Variants in EPX observed in about 807,000 individuals in gnomAD.
EPX encodes eosinophil peroxidase.
A neutral mutation model predicts 73.0 loss-of-function variants in EPX; 60 were observed. The ratio of observed to expected loss-of-function variants is 0.82; its 90% CI spans 0.67 to 1.02. EPX has a LOEUF of 1.02. EPX is among the 50% of genes least tolerant of loss of function. The pLI is 0.00. For missense variants in EPX, 950 were observed against 973.9 expected (o/e 0.98, Z 0.33); for synonymous variants, 347 against 389.2 (o/e 0.89, Z 1.28).
At chr17:58,203,854 C>G (rs563284767) in intron 11 of EPX, among the ~76,000 whole-genome samples, 2 of 135,798 alleles carry the variant, frequency 1.5e-5, no homozygotes, top group African/African-American at 5.6e-5. Flanking sequence ...ATGGCGTGAA[C>G]CCGGGAGGCG....
Position 58,195,149 on chromosome 17 carries a change from GCC to G in EPX, c.785_786del (p.Pro262LeufsTer10). On this transcript the variant is annotated frameshift_variant, in exon 6 of 13. Transcript: ENST00000225371. LOFTEE classifies it high-confidence loss of function. ...ACTGTGAGAGGACCTGCGCCCAGCT[GCC>G]CCCCTGCTTTCCCATCAAGGTACCT... ...VDCERTCAQL[P>X]PCFPIKIPPN... 6.2e-7 allele frequency: 1 copy of G among 1,613,806 alleles called. No homozygotes were observed. The highest frequency in any genetic ancestry group is 2.2e-5 in the East Asian group (1 of 44,880).
At chr17:58,193,224 G>T in intron 2 of EPX, 93 bp downstream of exon 2, 1 of 1,216,762 alleles carries the variant, frequency 8.2e-7, no homozygotes, top group South Asian at 1.2e-5. Context: ...GCCACCTCTG[G>T]ACCCCATGAA....
In EPX at chr17:58,203,243, T is replaced by G; in HGVS notation, c.1871T>G (p.Leu624Trp). 1 of 1,614,210 alleles carries G rather than the reference T, an allele frequency of 6.2e-7. No homozygotes were observed. The highest frequency in any genetic ancestry group is 8.5e-7 in the Non-Finnish European group (1 of 1,180,030). ...ATTGGGGCCATCGCTGAGCCTCTTT[T>G]GCCGGGGGCTCGAGTGGGGCCTCTT... ...IWIGAIAEPL[L>W]PGARVGPLLA... The change falls in exon 11 of 13, where the codon TTG becomes TGG. Residue 624 changes from leucine to tryptophan, a missense_variant. Physicochemically the swap from Leu to Trp is moderately conservative, Grantham distance 61 (BLOSUM62 -2). Coordinates refer to ENST00000225371, the MANE Select transcript of EPX (RefSeq NM_000502.6).
intron 4 of EPX, 21 bp from the exon 5 acceptor site, chr17:58,193,942 C>A: frequency 6.2e-7 from 1 of 1,612,802 alleles, no homozygotes; most frequent in South Asian, 1.1e-5. Flanking sequence ...CCCTGCTAAC[C>A]TATCCCACCC....
chr17:58,204,490 C>T lies in EPX; in HGVS notation c.*11+56C>T. On this transcript the variant is annotated intron_variant, in intron 12 of 12. Transcript: ENST00000225371. ...CTGGGTTAAGCCCTCACATCCTTCC[C>T]TGGATGGATGGCTGAGTCCTCTTAG... 8 of 1,051,856 alleles carry T rather than the reference C, an allele frequency of 7.6e-6. No individual in the cohort carries two copies. In the Admixed American group the frequency reaches 1.4e-4, roughly 19 times the overall value. 65.2% of individuals were successfully genotyped at this position (1,051,856 alleles called of 1,614,324 possible). A position where few individuals can be genotyped will look rare whatever the true frequency, so the allele number is the denominator to read the frequency against.
chr17:58,200,566 T>C (rs556257733), intron 10 of EPX, among the ~76,000 whole-genome samples, 171 bp downstream of exon 10: 1 of 152,350 alleles, frequency 6.6e-6, no homozygotes, highest in Admixed American at 6.5e-5. Context: ...GGAACACCGC[T>C]TGCTGTCCTG....
At position 58,193,836 on chromosome 17, in the gene EPX, GTGCGGGGCGGCAGGAGGGGC is replaced by G; in HGVS notation, c.464+9_464+28del. On this transcript the variant is annotated splice_donor_region_variant and intron_variant, in intron 4 of 12. Transcript: ENST00000225371. ...CACTGGACGGTGCAACAACAAGTGC[GTGCGGGGCGGCAGGAGGGGC>G]TGCCCCTGCCTGGGGGACCTCTCCC... 6.2e-7 allele frequency: 1 copy of G among 1,608,084 alleles called. No individual in the cohort carries two copies. Among genetic ancestry groups the G allele is most frequent in the Non-Finnish European group, 8.5e-7 (1 of 1,174,778 alleles).
chr17:58,200,599 A>T (rs1423602918), intron 10 of EPX, among the ~76,000 whole-genome samples: 1 of 152,164 alleles, frequency 6.6e-6, no homozygotes, highest in Non-Finnish European at 1.5e-5. Context: ...CATCCACTGT[A>T]GGGGCTCCAG....
intron 5 of EPX, among the ~76,000 whole-genome samples, chr17:58,194,622 G>C (rs767474049): frequency 1.3e-5 from 2 of 152,170 alleles, no homozygotes; most frequent in Non-Finnish European, 2.9e-5. Flanking sequence ...CCATGCACCT[G>C]TGAATCCGTG....
In EPX at chr17:58,199,094, T is replaced by G. The variant is rs746013953; in HGVS notation, c.1175T>G (p.Met392Arg). 14 of 1,614,138 alleles carry G rather than the reference T, an allele frequency of 8.7e-6. No individual in the cohort carries two copies. The highest frequency in any genetic ancestry group is 1.1e-5 in the Non-Finnish European group (13 of 1,180,036). Residue 392 changes from methionine to arginine, a missense_variant, in exon 8 of 13, where the codon ATG becomes AGG. Met to Arg is a moderately conservative substitution (Grantham distance 91, BLOSUM62 -1). Transcript: ENST00000225371. ...CTGGCAGCCATGCACACCCTCTTTA[T>G]GCGAGAGCACAACCGGCTGGCCACC... is the stretch of plus-strand genomic sequence containing the variant. ...PKLAAMHTLF[M>R]REHNRLATEL...
At position 58,197,236 on chromosome 17, in the gene EPX, C is replaced by T. The variant is rs756867334; in HGVS notation, c.1099C>T (p.Arg367Cys). 35 of 1,612,342 alleles carry T rather than the reference C, an allele frequency of 2.2e-5. No individual in the cohort carries two copies. Among genetic ancestry groups the T allele is most frequent in the African/African-American group, 6.7e-5 (5 of 74,942 alleles). Residue 367 changes from arginine (R) to cysteine (C), a missense_variant, in exon 7 of 13, where the codon CGC becomes TGC. Arg to Cys is a radical substitution (Grantham distance 180, BLOSUM62 -3). Transcript: ENST00000225371. ...CTGTCTCCTCACCAACCGCTCGGCG[C>T]GCATCCCCTGCTTCCTGGCAGGTCA... ...DPCLLTNRSA[R>C]IPCFLAGDTR...
intron 8 of EPX, 116 bp from the exon 9 acceptor site, chr17:58,199,423 T>C: frequency 1.6e-6 from 2 of 1,285,378 alleles, no homozygotes; most frequent in Non-Finnish European, 2.2e-6. Context: ...AATAGTAAAT[T>C]AATGTTGTCA....
chr17:58,201,559 A>G lies in EPX; in HGVS notation c.1708+1164A>G, dbSNP rs528857143. 4.7e-3 allele frequency among the ~76,000 whole-genome samples: 722 copies of G among 152,318 alleles called. 1 individual carries two copies. Among genetic ancestry groups the G allele is most frequent in the Non-Finnish European group, 7.0e-3 (479 of 68,030 alleles). The stretch of plus-strand genomic sequence containing the variant: ...ACTGGGTATGGGTATGGGTATGGGC[A>G]GGAGGGGTCTGGGTCGTATGGCTTG... On this transcript the variant is annotated intron_variant, in intron 10 of 12. Coordinates refer to ENST00000225371, the MANE Select transcript of EPX (RefSeq NM_000502.6).
Position 58,194,068 on chromosome 17 carries a change from G to A in EPX, c.570G>A (p.Arg190=). The A allele has an allele frequency of 6.2e-7, 1 of 1,613,552 alleles. No individual in the cohort carries two copies. Among genetic ancestry groups the A allele is most frequent in the South Asian group, 1.1e-5 (1 of 91,086 alleles). ...CCTTCGGCTGGACCCCCAGCAGGAG[G>A]CGCAATGGCTTCCTTCTCCCTCTTG... is the stretch of plus-strand genomic sequence containing the variant. The part of the protein sequence containing the change: ...SLPFGWTPSR[R]RNGFLLPLVR... Residue 190 remains arginine (R), a synonymous_variant, in exon 5 of 13, where the codon AGG becomes AGA. Coordinates refer to ENST00000225371, the MANE Select transcript of EPX (RefSeq NM_000502.6).
At chr17:58,195,285 C>G in intron 6 of EPX, 115 bp downstream of exon 6, 2 of 840,448 alleles carry the variant, frequency 2.4e-6, no homozygotes, top group Admixed American at 1.8e-5. Context: ...GCCTGTGGAG[C>G]TAGGGTATGA....
intron 10 of EPX, 25 bp downstream of exon 10, chr17:58,200,420 C>G: frequency 6.2e-7 from 1 of 1,612,082 alleles, no homozygotes; most frequent in Non-Finnish European, 8.5e-7. Flanking sequence ...CACCTCTTCT[C>G]CCAGCTTTGC....
chr17:58,193,646 G>T, intron 3 of EPX, 68 bp from the exon 4 acceptor site: 2 of 1,549,464 alleles, frequency 1.3e-6, no homozygotes, highest in Non-Finnish European at 1.8e-6. Context: ...GTGCTGGGAG[G>T]AGAGAGGGTA....
At position 58,196,934 on chromosome 17, in the gene EPX, C is replaced by G; in HGVS notation, c.802-5C>G. The G allele has an allele frequency of 6.2e-7, 1 of 1,613,078 alleles. No individual in the cohort carries two copies. Among genetic ancestry groups the G allele is most frequent in the South Asian group, 1.1e-5 (1 of 91,072 alleles). On this transcript the variant is annotated splice_region_variant and splice_polypyrimidine_tract_variant and intron_variant, in intron 6 of 12. Transcript: ENST00000225371. ...CCCATGTCACTGTCTCCTCTTCCAT[C>G]TCAGATCCCACCCAATGACCCCCGC...
At chr17:58,198,195 T>G (rs963148441) in intron 7 of EPX, among the ~76,000 whole-genome samples, 10 of 152,128 alleles carry the variant, frequency 6.6e-5, no homozygotes, top group Non-Finnish European at 1.3e-4. Flanking sequence ...AAGGAGGGAA[T>G]TATTATTGTT....
Sources: allele counts gnomAD v4.1 joint callset (sites outside exome capture counted in the v4.1 genomes callset), GRCh38; gene constraint gnomAD v4.1.1; transcripts MANE v1.5; gene names NCBI Gene and HGNC (gene_info 2026-07-23, HGNC 2026-07-21).